Variants in ASIC4 observed in about 807,000 individuals in gnomAD.
ASIC4 encodes the protein acid-sensing ion channel 4.
ASIC4 carries 28 observed loss-of-function variants against 53.4 expected under a neutral mutation model. The ratio of observed to expected loss-of-function variants is 0.52; its 90% CI spans 0.39 to 0.72. ASIC4 has a LOEUF of 0.72. Among genes scored for constraint, ASIC4 ranks in the 30% least tolerant of loss-of-function variants. The pLI is 0.00. For missense variants in ASIC4, 649 were observed against 729.7 expected (o/e 0.89, Z 1.27); for synonymous variants, 289 against 301.4 (o/e 0.96, Z 0.43).
In ASIC4 at chr2:219,516,175, C is replaced by A. The variant is rs1198439164; in HGVS notation, c.582+869C>A. ...TACACTCACATGCACACCTGCACACCCACACCCAGAGAGCTACTCATCTCC... is the reference window on the plus strand; with the variant it reads ...TACACTCACATGCACACCTGCACACACACACCCAGAGAGCTACTCATCTCC... On this transcript the variant is annotated intron_variant, in intron 1 of 9. Transcript: ENST00000358078. The surrounding 1 kb of genome is among the most constrained non-coding windows in gnomAD (Gnocchi z 4.9). Among the ~76,000 whole-genome samples, 1 of 152,160 alleles carries A rather than the reference C, an allele frequency of 6.6e-6. No individual in the cohort carries two copies. The highest frequency in any genetic ancestry group is 1.9e-4 in the East Asian group (1 of 5,192).
upstream of ASIC4, chr2:219,514,203 G>A (rs905631583): frequency 2.7e-5 from 28 of 1,051,200 alleles, 1 homozygote; most frequent in Middle Eastern, 9.5e-4. Context: ...GCAGGAGTTT[G>A]GGGGATAGCC....
At chr2:219,530,769 TCA>T (rs1008897714) in intron 1 of ASIC4, among the ~76,000 whole-genome samples, 4 of 152,132 alleles carry the variant, frequency 2.6e-5, no homozygotes, top group Non-Finnish European at 5.9e-5. Context: ...TCTGAACTTG[TCA>T]CAGACATGTG....
intron 1 of ASIC4, among the ~76,000 whole-genome samples, chr2:219,530,730 A>G (rs1695029233): frequency 6.6e-6 from 1 of 152,112 alleles, no homozygotes; most frequent in Admixed American, 6.5e-5. Flanking sequence ...AACAACAACA[A>G]AAGCCCGAGG....
At chr2:219,508,551 T>C in the ASIC4 span, among the ~76,000 whole-genome samples, 1 of 151,314 alleles carries the variant, frequency 6.6e-6, no homozygotes, top group African/African-American at 2.4e-5. Context: ...GTCACCATTG[T>C]TGGGGGGGGT....
At chr2:219,535,549 AGTGT>A in intron 6 of ASIC4, among the ~76,000 whole-genome samples, 1 of 94,268 alleles carries the variant, frequency 1.1e-5, no homozygotes, top group East Asian at 2.8e-4. Flanking sequence ...TGGGTGTGTG[AGTGT>A]GTGATGTGTG....
At position 219,516,511 on chromosome 2, in the gene ASIC4, G is replaced by A. The variant is rs1387626200; in HGVS notation, c.582+1205G>A. Among the ~76,000 whole-genome samples the A allele has an allele frequency of 6.6e-6, 1 of 151,966 alleles. No homozygotes were observed. The highest frequency in any genetic ancestry group is 1.9e-4 in the East Asian group (1 of 5,204). On this transcript the variant is annotated intron_variant, in intron 1 of 9. Coordinates refer to ENST00000358078, the MANE Select transcript of ASIC4 (RefSeq NM_018674.6). The surrounding 1 kb of genome is among the most constrained non-coding windows in gnomAD (Gnocchi z 4.9). ...TCACAGGGTATCTAGTATTCATGGC[G>A]CTCGAGATGCTTGTCCCTAGTCCAC...
rs1205159688 is a variant in ASIC4 at position 219,518,581 on chromosome 2, A to G, written c.582+3275A>G. On this transcript the variant is annotated intron_variant, in intron 1 of 9. Coordinates refer to ENST00000358078, the MANE Select transcript of ASIC4 (RefSeq NM_018674.6). This position sits in a 1 kb window ranked among gnomAD's most constrained non-coding sequence, Gnocchi z 4.8. ...CACTCCCGCCCATTCTACCACCTGT[A>G]TGTCCCCCACCCCCAGCCTTGTAGA... Among the ~76,000 whole-genome samples the G allele has an allele frequency of 6.6e-6, 1 of 151,358 alleles. No homozygotes were observed. Among genetic ancestry groups the G allele is most frequent in the Non-Finnish European group, 1.5e-5 (1 of 67,874 alleles).
chr2:219,508,941 C>G, the ASIC4 span, among the ~76,000 whole-genome samples: 1 of 151,736 alleles, frequency 6.6e-6, no homozygotes, highest in Non-Finnish European at 1.5e-5. Context: ...GGGGTGGGTC[C>G]CTGGCACCAA....
chr2:219,521,305 A>G (rs915374585), intron 1 of ASIC4, among the ~76,000 whole-genome samples: 1 of 152,228 alleles, frequency 6.6e-6, no homozygotes, highest in Non-Finnish European at 1.5e-5. Context: ...TGGGCTCATT[A>G]TCAGCTCAGC....
At chr2:219,528,270 C>T (rs1309481946) in intron 1 of ASIC4, among the ~76,000 whole-genome samples, 1 of 152,242 alleles carries the variant, frequency 6.6e-6, no homozygotes, top group East Asian at 1.9e-4. Flanking sequence ...GTCACCCAGG[C>T]TGGAGTGCAG....
Position 219,536,743 on chromosome 2 carries a change from G to A in ASIC4, c.1230-323G>A, listed in dbSNP as rs191848391. Among the ~76,000 whole-genome samples the A allele has an allele frequency of 2.4e-3, 359 of 152,086 alleles. 4 individuals are homozygous for A. The highest frequency in any genetic ancestry group is 1.9e-4 in the Non-Finnish European group (13 of 67,986). ...AAGGGGCATTGTGGAGTGGACTGACGGGCAACAGGGGTCACTGAAGGGTCC... is the reference window on the plus strand; with the variant it reads ...AAGGGGCATTGTGGAGTGGACTGACAGGCAACAGGGGTCACTGAAGGGTCC... On this transcript the variant is annotated intron_variant, in intron 6 of 9. Coordinates refer to ENST00000358078, the MANE Select transcript of ASIC4 (RefSeq NM_018674.6). The surrounding 1 kb of genome is among the most constrained non-coding windows in gnomAD (Gnocchi z 4.6).
intron 4 of ASIC4, 58 bp from the exon 5 acceptor site, chr2:219,532,825 C>A (rs972325098): frequency 1.3e-6 from 2 of 1,504,748 alleles, no homozygotes; most frequent in Non-Finnish European, 1.8e-6. Context: ...TACATTTGGG[C>A]GTGTGGGGGA....
chr2:219,514,851 G>T lies in ASIC4; in HGVS notation c.127G>T (p.Ala43Ser). 6.2e-7 allele frequency: 1 copy of T among 1,612,986 alleles called. No individual in the cohort carries two copies. The highest frequency in any genetic ancestry group is 8.5e-7 in the Non-Finnish European group (1 of 1,179,894). Residue 43 changes from alanine (A) to serine (S), a missense_variant, in exon 1 of 10, where the codon GCC becomes TCC. By Grantham distance (99) the Ala-to-Ser change is moderately conservative. Transcript: ENST00000358078. ...VAPGAAPRDL[A>S]TFASTSTLHG... ...CCCTGGAGCAGCCCCCCGAGACCTG[G>T]CCACCTTTGCCAGCACCAGCACCCT...
At position 219,536,293 on chromosome 2, in the gene ASIC4, CAGTACCCTGCAG is replaced by C. The variant is rs1695135389; in HGVS notation, c.1230-772_1230-761del. On this transcript the variant is annotated intron_variant, in intron 6 of 9. Coordinates refer to ENST00000358078, the MANE Select transcript of ASIC4 (RefSeq NM_018674.6). The surrounding 1 kb of genome is among the most constrained non-coding windows in gnomAD (Gnocchi z 4.6). ...GACAGGATGAGACAGGAGAGGAACA[CAGTACCCTGCAG>C]GGGGAGGCAGGAGGGACCGCCCTGA... is the stretch of plus-strand genomic sequence containing the variant. Among the ~76,000 whole-genome samples, 1 of 152,226 alleles carries C rather than the reference CAGTACCCTGCAG, an allele frequency of 6.6e-6. No individual in the cohort carries two copies. Among genetic ancestry groups the C allele is most frequent in the Non-Finnish European group, 1.5e-5 (1 of 68,034 alleles).
chr2:219,507,444 G>C, the ASIC4 span, among the ~76,000 whole-genome samples: 1 of 152,238 alleles, frequency 6.6e-6, no homozygotes, highest in Non-Finnish European at 1.5e-5. Flanking sequence ...CTTTTGGCAG[G>C]GTGGGGGTTT....
rs1271337157 is a variant in ASIC4, at chr2:219,528,857, C to T, written c.583-2901C>T. ...ACCTGGATGGGATAGAGGAATCTTG[C>T]ACCAGGCCCATTTCAGAGTTCCTCC... On this transcript the variant is annotated intron_variant, in intron 1 of 9. Transcript: ENST00000358078. 2.0e-5 allele frequency among the ~76,000 whole-genome samples: 3 copies of T among 152,282 alleles called. No homozygotes were observed. In the East Asian group the frequency reaches 5.8e-4, roughly 29 times the overall value.
upstream of ASIC4, among the ~76,000 whole-genome samples, chr2:219,513,043 G>T (rs2125650190): frequency 6.6e-6 from 1 of 152,338 alleles, no homozygotes; most frequent in Admixed American, 6.5e-5. Context: ...CTGACGCAGG[G>T]GGCGGGGTGG....
chr2:219,538,078 C>A lies in ASIC4; in HGVS notation c.*32C>A. ...GCTGTGACTGAAAGGACCCAGGAGT[C>A]TGGGACCCCTCCTGGGATCCCCAGC... On this transcript the variant is annotated 3_prime_UTR_variant, in exon 10 of 10. Coordinates refer to ENST00000358078, the MANE Select transcript of ASIC4 (RefSeq NM_018674.6). 6.5e-7 allele frequency: 1 copy of A among 1,547,006 alleles called. No homozygotes were observed. The highest frequency in any genetic ancestry group is 1.8e-5 in the Admixed American group (1 of 56,916).
upstream of ASIC4, among the ~76,000 whole-genome samples, chr2:219,513,736 A>C (rs911959702): frequency 1.3e-5 from 2 of 152,360 alleles, no homozygotes; most frequent in African/African-American, 4.8e-5. Context: ...CAAGCTGGCC[A>C]GGGTGCTGTC....
Sources: allele counts gnomAD v4.1 joint callset (sites outside exome capture counted in the v4.1 genomes callset), GRCh38; gene constraint gnomAD v4.1.1; non-coding constraint Gnocchi (gnomAD v3.1); transcripts MANE v1.5; gene names NCBI Gene and HGNC (gene_info 2026-07-23, HGNC 2026-07-21).